The following MRPL1 variants were observed in gnomAD, a reference collection of about 807,000 sequenced individuals.
MRPL1 encodes large ribosomal subunit protein uL1m.
Under a neutral mutation model 38.0 loss-of-function variants are expected in MRPL1, and 28 were observed. The ratio of observed to expected loss-of-function variants is 0.74; its 90% CI spans 0.55 to 1.01. MRPL1 has a LOEUF of 1.01. Ranked by LOEUF, MRPL1 falls within the 50% of genes least tolerant of loss-of-function variation. The pLI, the probability that MRPL1 is intolerant of heterozygous loss-of-function variation, is 0.00. For missense variants in MRPL1, 358 were observed against 389.8 expected (o/e 0.92, Z 0.69); for synonymous variants, 123 against 126.7 (o/e 0.97, Z 0.20).
intron 4 of MRPL1, among the ~76,000 whole-genome samples, chr4:77,886,756 C>G (rs982428160): frequency 6.7e-6 from 1 of 150,064 alleles, no homozygotes; most frequent in Non-Finnish European, 1.5e-5. Flanking sequence ...GTTGGGATTA[C>G]AGGTGTGGCT....
chr4:77,923,138 C>T (rs917413356), intron 7 of MRPL1, among the ~76,000 whole-genome samples: 1 of 152,064 alleles, frequency 6.6e-6, no homozygotes, highest in Admixed American at 6.6e-5. Context: ...CTCTGTCTCC[C>T]AGGCTGGAGT....
In MRPL1 at chr4:77,911,891, T is replaced by C. The variant is rs74470583; in HGVS notation, c.777+2519T>C. Among the ~76,000 whole-genome samples the C allele has an allele frequency of 5.3e-3, 809 of 152,278 alleles. 7 individuals carry two copies. The highest frequency in any genetic ancestry group is 0.018 in the African/African-American group (760 of 41,564). ...AGCAATATATAAAAAGGGTAACATA[T>C]CATGCTCAAGTAGGGTTTATTCTAG... On this transcript the variant is annotated intron_variant, in intron 7 of 8. Transcript: ENST00000315567.
intron 7 of MRPL1, among the ~76,000 whole-genome samples, chr4:77,941,916 T>A (rs1212992426): frequency 6.6e-6 from 1 of 152,120 alleles, no homozygotes; most frequent in African/African-American, 2.4e-5. Flanking sequence ...TTCTGCTGGG[T>A]TTGGGTTTGG....
At chr4:77,937,676 T>C (rs1458091876) in intron 7 of MRPL1, among the ~76,000 whole-genome samples, 1 of 152,172 alleles carries the variant, frequency 6.6e-6, no homozygotes, top group Non-Finnish European at 1.5e-5. Flanking sequence ...TGGGTGTTGA[T>C]TATGGTAGGA....
intron 6 of MRPL1, among the ~76,000 whole-genome samples, chr4:77,904,242 C>CT (rs1187447625): frequency 3.4e-5 from 5 of 148,132 alleles, no homozygotes; most frequent in Non-Finnish European, 4.5e-5. Flanking sequence ...AAGACTGTGT[C>CT]TTAAAAAAAA....
intron 8 of MRPL1, 35 bp from the exon 9 acceptor site, chr4:77,952,454 T>G: frequency 6.8e-7 from 1 of 1,469,152 alleles, no homozygotes; most frequent in Non-Finnish European, 9.5e-7. Flanking sequence ...TATTGCGATA[T>G]AAAAATCAAA....
chr4:77,941,686 C>G (rs1311418976), intron 7 of MRPL1, among the ~76,000 whole-genome samples: 1 of 152,010 alleles, frequency 6.6e-6, no homozygotes, highest in Non-Finnish European at 1.5e-5. Context: ...CTTTAATGAT[C>G]TTTTGTATTT....
At chr4:77,870,157 G>A (rs1045726014) in intron 1 of MRPL1, among the ~76,000 whole-genome samples, 2 of 152,196 alleles carry the variant, frequency 1.3e-5, no homozygotes, top group Admixed American at 6.5e-5. Flanking sequence ...GCCTCCCAAA[G>A]TGCTGGGATT....
At chr4:77,938,443 A>G (rs1205525107) in intron 7 of MRPL1, among the ~76,000 whole-genome samples, 1 of 152,196 alleles carries the variant, frequency 6.6e-6, no homozygotes, top group African/African-American at 2.4e-5. Context: ...ACCTAGTTTC[A>G]GATCACTCCC....
At chr4:77,936,906 C>T (rs935562135) in intron 7 of MRPL1, among the ~76,000 whole-genome samples, 1 of 152,066 alleles carries the variant, frequency 6.6e-6, no homozygotes. Flanking sequence ...GGGAGAATCG[C>T]CTGAGCCAAG....
At chr4:77,875,664 AAAG>A (rs1735374029) in intron 2 of MRPL1, among the ~76,000 whole-genome samples, 1 of 152,182 alleles carries the variant, frequency 6.6e-6, no homozygotes, top group Admixed American at 6.5e-5. Flanking sequence ...ACAAAAAAAA[AAAG>A]AATTTTGCAG....
At chr4:77,890,629 G>T (rs181376167) in intron 5 of MRPL1, among the ~76,000 whole-genome samples, 3 of 152,262 alleles carry the variant, frequency 2.0e-5, no homozygotes, top group Non-Finnish European at 4.4e-5. Flanking sequence ...GGAAGTTCTG[G>T]CCAGGGCAAT....
At chr4:77,950,540 G>C (rs139938499) in intron 8 of MRPL1, among the ~76,000 whole-genome samples, 155 of 152,286 alleles carry the variant, frequency 1.0e-3, no homozygotes, top group African/African-American at 2.9e-3. Flanking sequence ...GGCTTACCAT[G>C]ATAAGAATTT....
At chr4:77,877,708 T>C (rs972227318) in intron 2 of MRPL1, among the ~76,000 whole-genome samples, 1 of 151,788 alleles carries the variant, frequency 6.6e-6, no homozygotes, top group Non-Finnish European at 1.5e-5. Context: ...TGGCACCACT[T>C]ATCTGTTGCA....
rs1737368731 is a variant in MRPL1, at chr4:77,949,949, AAG to A, written c.859+72_859+73del. On this transcript the variant is annotated intron_variant, in intron 8 of 8. Transcript: ENST00000315567. ...TTTAAAATGTAAAATATGAAGAAAA[AAG>A]TCAAATTAACATGCAAGTATAATAG... is the stretch of plus-strand genomic sequence containing the variant. 1.4e-5 allele frequency: 12 copies of A among 859,362 alleles called. No homozygotes were observed. The Admixed American group carries it at 3.1e-4, about 22-fold the overall frequency. The allele number at this position is 859,362 out of a possible 1,614,324, so 53.2% of individuals were successfully genotyped here.
rs761552754 is a variant in MRPL1 at position 77,862,888 on chromosome 4, A to T, written c.31+9A>T. The T allele has an allele frequency of 6.2e-7, 1 of 1,613,892 alleles. No homozygotes were observed. The highest frequency in any genetic ancestry group is 8.5e-7 in the Non-Finnish European group (1 of 1,179,970). On this transcript the variant is annotated intron_variant, in intron 1 of 8. Coordinates refer to ENST00000315567, the MANE Select transcript of MRPL1 (RefSeq NM_020236.4). ...AAGGTGCATGGGTAGAGGTAAGGCG[A>T]GGGGTTGTCTTGCAGGGGAAATGGC...
intron 5 of MRPL1, 55 bp downstream of exon 5, chr4:77,887,346 C>A: frequency 1.5e-6 from 2 of 1,343,136 alleles, no homozygotes; most frequent in Non-Finnish European, 2.1e-6. Context: ...TTATCTTTAC[C>A]ATTCATTGAT....
intron 6 of MRPL1, among the ~76,000 whole-genome samples, chr4:77,898,158 C>T (rs1735960844): frequency 6.6e-6 from 1 of 152,188 alleles, no homozygotes; most frequent in Admixed American, 6.5e-5. Context: ...AGAGACCTTC[C>T]ATGACCATCC....
chr4:77,943,593 T>C (rs562303980), intron 7 of MRPL1, among the ~76,000 whole-genome samples: 42 of 152,104 alleles, frequency 2.8e-4, no homozygotes, highest in Non-Finnish European at 5.9e-4. Context: ...TCTTTCTCTG[T>C]AGATTGAGTT....
Sources: gnomAD v4.1 joint callset for allele counts (sites outside exome capture counted in the v4.1 genomes callset) on GRCh38, gnomAD v4.1.1 for gene constraint, MANE v1.5 for transcripts, NCBI Gene and HGNC (gene_info 2026-07-23, HGNC 2026-07-21) for gene names.